Variants in LRRC7 observed in about 807,000 individuals in gnomAD.
LRRC7 encodes leucine-rich repeat-containing protein 7.
Under a neutral mutation model 175.7 loss-of-function variants are expected in LRRC7, and 23 were observed. The ratio of observed to expected loss-of-function variants is 0.13; its 90% CI spans 0.09 to 0.19. The LOEUF (loss-of-function observed/expected upper bound fraction) is 0.19. LRRC7 is among the 10% of genes least tolerant of loss of function. The pLI is 1.00. For missense variants in LRRC7, 1,354 were observed against 1,904.7 expected (o/e 0.71, Z 5.38); for synonymous variants, 685 against 680.9 (o/e 1.01, Z -0.09).
chr1:69,575,289 A>G (rs1645902292), intron 1 of LRRC7, among the ~76,000 whole-genome samples: 1 of 152,172 alleles, frequency 6.6e-6, no homozygotes, highest in African/African-American at 2.4e-5. Context: ...CACCCGAGCA[A>G]AGTAGAAGAG....
chr1:69,642,401 A>G (rs1038198670), intron 1 of LRRC7, among the ~76,000 whole-genome samples: 1 of 152,106 alleles, frequency 6.6e-6, no homozygotes, highest in Non-Finnish European at 1.5e-5. Context: ...AAAAAAGGAA[A>G]AGATAAGGAT....
At chr1:69,706,815 C>A (rs1400047117) in intron 2 of LRRC7, among the ~76,000 whole-genome samples, 4 of 152,124 alleles carry the variant, frequency 2.6e-5, no homozygotes, top group African/African-American at 9.7e-5. Flanking sequence ...CAGCTTCCCA[C>A]CCATTAACGA....
chr1:69,768,858 C>T (rs559430543), intron 3 of LRRC7, among the ~76,000 whole-genome samples: 2 of 152,198 alleles, frequency 1.3e-5, no homozygotes, highest in African/African-American at 4.8e-5. Context: ...TACTTTTATC[C>T]ATATAAATTA....
chr1:70,017,266 GAA>G (rs532410727), intron 14 of LRRC7, among the ~76,000 whole-genome samples: 3 of 107,962 alleles, frequency 2.8e-5, no homozygotes, highest in Admixed American at 1.0e-4. Flanking sequence ...CTCTGTCTCA[GAA>G]AAAAAAAAAA....
intron 4 of LRRC7, among the ~76,000 whole-genome samples, chr1:69,813,188 A>G (rs567287411): frequency 1.6e-4 from 25 of 152,182 alleles, no homozygotes; most frequent in Non-Finnish European, 2.8e-4. Flanking sequence ...TTCAAATTCT[A>G]TAGTCAATTA....
intron 8 of LRRC7, among the ~76,000 whole-genome samples, chr1:69,942,000 A>G (rs1648771334): frequency 6.6e-6 from 1 of 152,068 alleles, no homozygotes; most frequent in Non-Finnish European, 1.5e-5. Flanking sequence ...GCCTCCATAC[A>G]TTCTAAACCT....
chr1:70,093,433 C>T (rs2102176757), intron 25 of LRRC7, among the ~76,000 whole-genome samples: 1 of 152,216 alleles, frequency 6.6e-6, no homozygotes, highest in East Asian at 1.9e-4. Context: ...GGTCATTTAG[C>T]TGATCTGTGG....
intron 1 of LRRC7, among the ~76,000 whole-genome samples, chr1:69,621,467 C>T (rs1356343569): frequency 6.6e-6 from 1 of 152,226 alleles, no homozygotes; most frequent in African/African-American, 2.4e-5. Context: ...AAAACATCAG[C>T]GAATCTTTAG....
intron 2 of LRRC7, among the ~76,000 whole-genome samples, chr1:69,688,464 G>A (rs1329529646): frequency 6.6e-6 from 1 of 152,090 alleles, no homozygotes; most frequent in Non-Finnish European, 1.5e-5. Flanking sequence ...TTGATGGTTT[G>A]CATAACTGGA....
intron 23 of LRRC7, among the ~76,000 whole-genome samples, chr1:70,066,592 T>C (rs1468502903): frequency 6.6e-6 from 1 of 152,054 alleles, no homozygotes; most frequent in Non-Finnish European, 1.5e-5. Context: ...TAGTATTCCA[T>C]AGTATGGATA....
At chr1:69,925,335 C>A (rs1209734085) in intron 7 of LRRC7, among the ~76,000 whole-genome samples, 2 of 152,086 alleles carry the variant, frequency 1.3e-5, no homozygotes, top group African/African-American at 4.8e-5. Flanking sequence ...AGGGAGGATT[C>A]CTTCTTTTTC....
At chr1:69,590,862 G>C (rs973381927) in intron 1 of LRRC7, among the ~76,000 whole-genome samples, 4 of 152,042 alleles carry the variant, frequency 2.6e-5, no homozygotes, top group Admixed American at 6.6e-5. Flanking sequence ...TAGCCTCTCT[G>C]AGTTCTTTAA....
intron 2 of LRRC7, among the ~76,000 whole-genome samples, chr1:69,686,888 G>A (rs569657123): frequency 1.3e-5 from 2 of 151,940 alleles, no homozygotes; most frequent in East Asian, 1.9e-4. Flanking sequence ...TAAAAAAAAG[G>A]TTAAATATAA....
intron 1 of LRRC7, among the ~76,000 whole-genome samples, chr1:69,576,625 A>C (rs1645961443): frequency 6.6e-6 from 1 of 152,216 alleles, no homozygotes; most frequent in Admixed American, 6.5e-5. Context: ...TAAAAGACAT[A>C]ACTCCTTATT....
At chr1:70,009,678 TAGAG>T (rs2101947082) in intron 11 of LRRC7, among the ~76,000 whole-genome samples, 1 of 152,302 alleles carries the variant, frequency 6.6e-6, no homozygotes, top group Non-Finnish European at 1.5e-5. Context: ...ATCTCCAGCT[TAGAG>T]AGAATTTCTA....
chr1:70,088,798 C>A (rs992231223), intron 24 of LRRC7, among the ~76,000 whole-genome samples: 21 of 152,182 alleles, frequency 1.4e-4, no homozygotes, highest in African/African-American at 4.8e-4. Flanking sequence ...GTCATTTCTG[C>A]TGAGTTCTTG....
intron 1 of LRRC7, among the ~76,000 whole-genome samples, chr1:69,648,203 T>C (rs1655274981): frequency 6.6e-6 from 1 of 152,188 alleles, no homozygotes; most frequent in Non-Finnish European, 1.5e-5. Context: ...GTTTGGAGGT[T>C]TAAATGAGTG....
chr1:69,934,510 G>A (rs1338245290), intron 8 of LRRC7, among the ~76,000 whole-genome samples: 3 of 89,224 alleles, frequency 3.4e-5, no homozygotes, highest in Non-Finnish European at 6.7e-5. Flanking sequence ...GGGGGCGGGG[G>A]GTGGGGGGTT....
At chr1:70,061,510 A>G (rs1279133081) in intron 23 of LRRC7, among the ~76,000 whole-genome samples, 1 of 152,170 alleles carries the variant, frequency 6.6e-6, no homozygotes, top group African/African-American at 2.4e-5. Flanking sequence ...ATTCACTGTC[A>G]GTAAGCTCTG....
Sources: gnomAD v4.1 joint callset for allele counts (sites outside exome capture counted in the v4.1 genomes callset) on GRCh38, gnomAD v4.1.1 for gene constraint, MANE v1.5 for transcripts, NCBI Gene and HGNC (gene_info 2026-07-23, HGNC 2026-07-21) for gene names.